Variants in RFX2 observed in about 807,000 individuals in gnomAD.
RFX2 encodes DNA-binding protein RFX2.
A neutral mutation model predicts 87.8 loss-of-function variants in RFX2; 20 were observed. The ratio of observed to expected loss-of-function variants is 0.23; its 90% CI spans 0.16 to 0.33. The LOEUF (loss-of-function observed/expected upper bound fraction) is 0.33, where lower values mean the gene tolerates loss of function less well. Among genes scored for constraint, RFX2 ranks in the 10% least tolerant of loss-of-function variants. The pLI is 1.00. For synonymous variants in RFX2, 397 were observed against 431.3 expected (o/e 0.92, Z 0.98); for missense variants, 767 against 1,012.3 (o/e 0.76, Z 3.29).
chr19:6,093,894 T>G (rs1369701325), intron 1 of RFX2, among the ~76,000 whole-genome samples: 3 of 151,988 alleles, frequency 2.0e-5, no homozygotes, highest in African/African-American at 7.3e-5. Context: ...AACAGGCAAA[T>G]CCACAAAGAC....
At chr19:6,103,890 C>T (rs762937279) in intron 1 of RFX2, among the ~76,000 whole-genome samples, 2 of 152,136 alleles carry the variant, frequency 1.3e-5, no homozygotes, top group Non-Finnish European at 2.9e-5. Context: ...TCATCCCAGG[C>T]CACTTACTAC....
rs531606210 is a variant in RFX2, at chr19:6,066,875, C to T, written c.-8-19371G>A. Among the ~76,000 whole-genome samples, 23 of 152,262 alleles carry T rather than the reference C, an allele frequency of 1.5e-4. No individual in the cohort carries two copies. In the South Asian group the frequency reaches 3.3e-3, roughly 22 times the overall value. On this transcript the variant is annotated intron_variant, in intron 1 of 17. Coordinates refer to ENST00000303657, the MANE Select transcript of RFX2 (RefSeq NM_000635.4). ...GCTGGGCAACCGGGAGAATACTTCC[C>T]AAACCAAACAATGTCATCCCGGAGC...
At position 6,063,782 on chromosome 19, in the gene RFX2, G is replaced by A. The variant is rs1420350625; in HGVS notation, c.-8-16278C>T. ...CCGTCCTGGGCACCGCAGGGTGCTG[G>A]GCAGCATCCCTGGCCTCCACCCACT... is the stretch of plus-strand genomic sequence containing the variant. On this transcript the variant is annotated intron_variant, in intron 1 of 17. Coordinates refer to ENST00000303657, the MANE Select transcript of RFX2 (RefSeq NM_000635.4). This position sits in a 1 kb window ranked among gnomAD's most constrained non-coding sequence, Gnocchi z 4.0. Among the ~76,000 whole-genome samples, 1 of 152,150 alleles carries A rather than the reference G, an allele frequency of 6.6e-6. No homozygotes were observed. Among genetic ancestry groups the A allele is most frequent in the Non-Finnish European group, 1.5e-5 (1 of 68,024 alleles).
intron 5 of RFX2, among the ~76,000 whole-genome samples, chr19:6,030,753 C>T (rs1324651395): frequency 6.6e-6 from 1 of 152,184 alleles, no homozygotes; most frequent in South Asian, 2.1e-4. Flanking sequence ...ATGTTACATA[C>T]ATTCTATCTC....
At chr19:6,087,103 C>T (rs191253231) in intron 1 of RFX2, among the ~76,000 whole-genome samples, 1 of 151,998 alleles carries the variant, frequency 6.6e-6, no homozygotes, top group African/African-American at 2.4e-5. Flanking sequence ...AAGAAAGTGA[C>T]AGAATCAGTT....
intron 1 of RFX2, among the ~76,000 whole-genome samples, chr19:6,103,813 CA>C (rs1420100540): frequency 1.3e-5 from 2 of 152,138 alleles, no homozygotes; most frequent in African/African-American, 4.8e-5. Context: ...CTCAGTCAAG[CA>C]AGATGTATGT....
intron 1 of RFX2, among the ~76,000 whole-genome samples, chr19:6,058,306 G>A (rs1599890081): frequency 6.6e-6 from 1 of 152,200 alleles, no homozygotes; most frequent in Non-Finnish European, 1.5e-5. Flanking sequence ...CCCCTGGGGC[G>A]CAGAAGGACC....
intron 7 of RFX2, among the ~76,000 whole-genome samples, chr19:6,014,167 T>A (rs763422120): frequency 8.4e-4 from 128 of 152,272 alleles, no homozygotes; most frequent in Non-Finnish European, 1.4e-3. Flanking sequence ...AGGATGCCAT[T>A]TCTCCAGAGC....
At chr19:6,091,083 G>A (rs1416027067) in intron 1 of RFX2, among the ~76,000 whole-genome samples, 1 of 152,196 alleles carries the variant, frequency 6.6e-6, no homozygotes, top group Non-Finnish European at 1.5e-5. Context: ...TAATAGGTAT[G>A]GAGTTTCTTT....
At position 6,039,922 on chromosome 19, in the gene RFX2, C is replaced by T. The variant is rs762206433; in HGVS notation, c.522+58G>A. On this transcript the variant is annotated intron_variant, in intron 5 of 17. Transcript: ENST00000303657. This position sits in a 1 kb window ranked among gnomAD's most constrained non-coding sequence, Gnocchi z 5.2. ...TGCCTCTTACTCACCATCCCTGCTG[C>T]CGCTGCTTCGAGAATACTCATGGCC... 6.8e-7 allele frequency: 1 copy of T among 1,470,096 alleles called. No individual in the cohort carries two copies. The highest frequency in any genetic ancestry group is 9.1e-7 in the Non-Finnish European group (1 of 1,097,364). The allele number at this position is 1,470,096 out of a possible 1,614,324, so 91.1% of individuals were successfully genotyped here.
intron 1 of RFX2, among the ~76,000 whole-genome samples, chr19:6,048,288 T>C (rs985236077): frequency 3.3e-5 from 5 of 152,246 alleles, no homozygotes; most frequent in Non-Finnish European, 5.9e-5. Context: ...AGTATAAACA[T>C]ATATTTCTTT....
intron 1 of RFX2, among the ~76,000 whole-genome samples, chr19:6,103,915 C>CTAA (rs1159011594): frequency 1.6e-4 from 24 of 152,080 alleles, no homozygotes; most frequent in Middle Eastern, 3.4e-3. Context: ...TTGCTTCATC[C>CTAA]TAATAATAAT....
In RFX2 at chr19:6,016,310, T is replaced by C. The variant is rs768081108; in HGVS notation, c.598-39A>G. ...GACACGTCTGCGTTTGTCAGAAGCCTGAGGAACGCTAACATGCCAACGTGG... is the reference window on the plus strand; with the variant it reads ...GACACGTCTGCGTTTGTCAGAAGCCCGAGGAACGCTAACATGCCAACGTGG... On this transcript the variant is annotated intron_variant, in intron 6 of 17. Transcript: ENST00000303657. The surrounding 1 kb of genome is among the most constrained non-coding windows in gnomAD (Gnocchi z 5.4). 5.5e-5 allele frequency: 83 copies of C among 1,511,612 alleles called. No homozygotes were observed. Among genetic ancestry groups the C allele is most frequent in the Non-Finnish European group, 7.5e-5 (83 of 1,108,386 alleles). 93.6% of individuals were successfully genotyped at this position (1,511,612 alleles called of 1,614,324 possible).
chr19:6,081,496 T>C (rs1391669145), intron 1 of RFX2, among the ~76,000 whole-genome samples: 3 of 152,258 alleles, frequency 2.0e-5, no homozygotes, highest in Non-Finnish European at 2.9e-5. Flanking sequence ...ATGGCTTCTA[T>C]ACATTTTTAA....
At chr19:6,080,252 GACA>G (rs2087760347) in intron 1 of RFX2, among the ~76,000 whole-genome samples, 1 of 150,782 alleles carries the variant, frequency 6.6e-6, no homozygotes, top group African/African-American at 2.5e-5. Context: ...GTGAGAGAGA[GACA>G]GAGAGAGAGA....
At chr19:6,070,358 G>A (rs79576646) in intron 1 of RFX2, among the ~76,000 whole-genome samples, 16 of 151,936 alleles carry the variant, frequency 1.1e-4, no homozygotes, top group Admixed American at 4.6e-4. Context: ...ACCCTGGAAG[G>A]TGACACCAAG....
At chr19:6,081,680 C>T (rs1269802601) in intron 1 of RFX2, among the ~76,000 whole-genome samples, 2 of 152,204 alleles carry the variant, frequency 1.3e-5, no homozygotes, top group African/African-American at 2.4e-5. Flanking sequence ...GGGCTGGGCG[C>T]GGCGGCTCAT....
rs1365220408 is a variant in RFX2 at position 6,074,771 on chromosome 19, G to A, written c.-8-27267C>T. ...GGCAGAGTGAGGTGAGGAAAGTGTC[G>A]CCGCTGAGAAGGCTCTGCCAGGGAT... On this transcript the variant is annotated intron_variant, in intron 1 of 17. Coordinates refer to ENST00000303657, the MANE Select transcript of RFX2 (RefSeq NM_000635.4). This position sits in a 1 kb window ranked among gnomAD's most constrained non-coding sequence, Gnocchi z 5.2. Among the ~76,000 whole-genome samples the A allele has an allele frequency of 3.9e-5, 6 of 152,226 alleles. No homozygotes were observed. The highest frequency in any genetic ancestry group is 2.1e-4 in the South Asian group (1 of 4,834).
intron 1 of RFX2, among the ~76,000 whole-genome samples, chr19:6,105,673 G>A (rs2088205907): frequency 6.6e-6 from 1 of 152,172 alleles, no homozygotes; most frequent in Non-Finnish European, 1.5e-5. Context: ...GATGCTGGTG[G>A]CTGGGACCAG....
Sources: allele counts gnomAD v4.1 joint callset (sites outside exome capture counted in the v4.1 genomes callset), GRCh38; gene constraint gnomAD v4.1.1; non-coding constraint Gnocchi (gnomAD v3.1); transcripts MANE v1.5; gene names NCBI Gene and HGNC (gene_info 2026-07-23, HGNC 2026-07-21).